Variants in ADK observed in about 807,000 individuals in gnomAD.
ADK encodes adenosine kinase.
Under a neutral mutation model 44.7 loss-of-function variants are expected in ADK, and 24 were observed. The observed-to-expected ratio is 0.54, with a 90% CI of 0.39 to 0.76. The LOEUF (loss-of-function observed/expected upper bound fraction) is 0.76, where lower values mean the gene tolerates loss of function less well. Among genes scored for constraint, ADK ranks in the 30% least tolerant of loss-of-function variants. The pLI, the probability that ADK is intolerant of heterozygous loss-of-function variation, is 0.00. For synonymous variants in ADK, 128 were observed against 142.6 expected, an observed-to-expected ratio of 0.90 and a Z score of 0.73; for missense variants, 321 against 425.1, an observed-to-expected ratio of 0.76 and a Z score of 2.15.
chr10:74,352,458 A>G (rs1361742221), intron 4 of ADK, among the ~76,000 whole-genome samples: 2 of 152,232 alleles, frequency 1.3e-5, no homozygotes, highest in Non-Finnish European at 2.9e-5. Flanking sequence ...TAAAACCGAA[A>G]ACCATAAAAA....
intron 6 of ADK, among the ~76,000 whole-genome samples, chr10:74,408,337 TC>T (rs1370384211): frequency 6.6e-6 from 1 of 152,130 alleles, no homozygotes; most frequent in Admixed American, 6.5e-5. Flanking sequence ...CTATGCGAAT[TC>T]TGTATTGAGT....
At chr10:74,466,449 C>T (rs1846360632) in intron 6 of ADK, among the ~76,000 whole-genome samples, 1 of 152,116 alleles carries the variant, frequency 6.6e-6, no homozygotes. Context: ...GAACATTACA[C>T]CTATAGTCTT....
At chr10:74,224,077 C>CAACA (rs760742313) in intron 2 of ADK, among the ~76,000 whole-genome samples, 47 of 152,172 alleles carry the variant, frequency 3.1e-4, no homozygotes, top group Middle Eastern at 3.4e-3. Flanking sequence ...GACTCTATCT[C>CAACA]AACAAATAAA....
At chr10:74,411,428 C>T (rs1844172859) in intron 6 of ADK, among the ~76,000 whole-genome samples, 1 of 152,068 alleles carries the variant, frequency 6.6e-6, no homozygotes, top group Non-Finnish European at 1.5e-5. Flanking sequence ...CACAATAAAG[C>T]AAGTCACATG....
intron 7 of ADK, chr10:74,527,472 A>G: frequency 3.6e-6 from 2 of 550,312 alleles, no homozygotes; most frequent in South Asian, 2.1e-5. Flanking sequence ...TTTGGACTTT[A>G]TAGTCACAAA....
chr10:74,266,414 T>A (rs1211649775), intron 3 of ADK, among the ~76,000 whole-genome samples: 1 of 151,866 alleles, frequency 6.6e-6, no homozygotes, highest in East Asian at 1.9e-4. Context: ...AAAATTAGCC[T>A]GGCGTGGTGG....
At chr10:74,342,238 T>C (rs566844369) in intron 4 of ADK, among the ~76,000 whole-genome samples, 84 of 152,294 alleles carry the variant, frequency 5.5e-4, no homozygotes, top group African/African-American at 1.7e-3. Flanking sequence ...ATGGGTAATA[T>C]TGCCAATCTT....
chr10:74,204,577 G>T (rs1484594700), intron 2 of ADK, among the ~76,000 whole-genome samples: 1 of 152,096 alleles, frequency 6.6e-6, no homozygotes, highest in African/African-American at 2.4e-5. Flanking sequence ...TGGGGGTCTA[G>T]GATAAACTGG....
chr10:74,238,333 C>T (rs1390033242), intron 3 of ADK, among the ~76,000 whole-genome samples: 5 of 152,060 alleles, frequency 3.3e-5, no homozygotes. Flanking sequence ...ATTAGAGCTC[C>T]ACTGGCAACG....
chr10:74,339,638 A>G (rs1447348620), intron 4 of ADK, among the ~76,000 whole-genome samples: 1 of 152,250 alleles, frequency 6.6e-6, no homozygotes, highest in Non-Finnish European at 1.5e-5. Context: ...AAGTGATGAA[A>G]TAATGAACAA....
At chr10:74,582,729 TG>T (rs1851412295) in intron 7 of ADK, among the ~76,000 whole-genome samples, 2 of 152,168 alleles carry the variant, frequency 1.3e-5, no homozygotes, top group Admixed American at 1.3e-4. Flanking sequence ...GATAGAGGCA[TG>T]AGTGTCTTTA....
intron 7 of ADK, among the ~76,000 whole-genome samples, chr10:74,555,915 A>G (rs1417990835): frequency 1.3e-5 from 2 of 152,176 alleles, no homozygotes; most frequent in Non-Finnish European, 1.5e-5. Flanking sequence ...CCTATTGACT[A>G]CATCTGAGAC....
chr10:74,405,645 T>G (rs963038771), intron 6 of ADK, among the ~76,000 whole-genome samples: 2 of 152,014 alleles, frequency 1.3e-5, no homozygotes, highest in African/African-American at 4.8e-5. Flanking sequence ...ATACGTCTTA[T>G]GAGAATCTAA....
intron 10 of ADK, among the ~76,000 whole-genome samples, chr10:74,706,550 G>A (rs904068908): frequency 6.6e-6 from 1 of 152,028 alleles, no homozygotes; most frequent in Non-Finnish European, 1.5e-5. Flanking sequence ...AAAATCAGTT[G>A]GCTATACAGA....
chr10:74,619,361 A>G (rs1251402588), intron 9 of ADK, among the ~76,000 whole-genome samples: 2 of 152,056 alleles, frequency 1.3e-5, no homozygotes, highest in South Asian at 2.1e-4. Context: ...AGACTGAGGC[A>G]GGAGAATTGC....
chr10:74,222,238 C>T (rs1465652602), intron 2 of ADK, among the ~76,000 whole-genome samples: 7 of 152,272 alleles, frequency 4.6e-5, no homozygotes, highest in Non-Finnish European at 1.0e-4. Flanking sequence ...GACATTTATG[C>T]AGCCAAGAAA....
At chr10:74,539,498 T>C (rs1849557056) in intron 7 of ADK, among the ~76,000 whole-genome samples, 1 of 152,190 alleles carries the variant, frequency 6.6e-6, no homozygotes, top group African/African-American at 2.4e-5. Flanking sequence ...CTCTGCCCTT[T>C]AAAGTATACA....
chr10:74,357,992 C>T (rs934155316), intron 4 of ADK, among the ~76,000 whole-genome samples: 10 of 152,080 alleles, frequency 6.6e-5, no homozygotes, highest in Admixed American at 5.2e-4. Flanking sequence ...TTAAAAACTC[C>T]ATTTAATAAT....
intron 5 of ADK, among the ~76,000 whole-genome samples, chr10:74,394,971 T>C (rs1019377167): frequency 6.6e-6 from 1 of 152,208 alleles, no homozygotes; most frequent in African/African-American, 2.4e-5. Flanking sequence ...GGTTGTTCTT[T>C]TGTACCCACA....
Sources: gnomAD v4.1 joint callset for allele counts (sites outside exome capture counted in the v4.1 genomes callset) on GRCh38, gnomAD v4.1.1 for gene constraint, MANE v1.5 for transcripts, NCBI Gene and HGNC (gene_info 2026-07-23, HGNC 2026-07-21) for gene names.